MAGI2: variants seen among roughly 807,000 people sequenced by gnomAD.
MAGI2 encodes the protein membrane associated guanylate kinase, WW and PDZ domain containing 2.
A neutral mutation model predicts 133.3 loss-of-function variants in MAGI2; 35 were observed. That is an observed-to-expected ratio of 0.26 (90% CI 0.20 to 0.35). The LOEUF is 0.35. Ranked by LOEUF, MAGI2 falls within the 10% of genes least tolerant of loss-of-function variation. The pLI is 1.00. For synonymous variants in MAGI2, 729 were observed against 710.6 expected (o/e 1.03, Z -0.41); for missense variants, 1,636 against 1,863.4 (o/e 0.88, Z 2.25).
intron 2 of MAGI2, among the ~76,000 whole-genome samples, chr7:78,854,796 G>T (rs190128283): frequency 1.3e-5 from 2 of 151,848 alleles, no homozygotes; most frequent in African/African-American, 4.8e-5. Flanking sequence ...TATTTATTTC[G>T]ATTCAGTAAA....
At chr7:78,914,006 A>G (rs924106900) in intron 2 of MAGI2, among the ~76,000 whole-genome samples, 5 of 152,188 alleles carry the variant, frequency 3.3e-5, no homozygotes, top group African/African-American at 9.7e-5. Flanking sequence ...CTTGGGAAAT[A>G]TCACTTATTC....
chr7:79,039,228 G>T (rs539221802), intron 1 of MAGI2, among the ~76,000 whole-genome samples: 11 of 151,950 alleles, frequency 7.2e-5, no homozygotes, highest in Admixed American at 1.3e-4. Context: ...CTCTCCTGCC[G>T]CCATGTGAAG....
intron 20 of MAGI2, among the ~76,000 whole-genome samples, chr7:78,100,815 A>G (rs926389018): frequency 6.6e-6 from 1 of 152,236 alleles, no homozygotes; most frequent in African/African-American, 2.4e-5. Flanking sequence ...TAGAGAATTT[A>G]CCAGAAAAGC....
At chr7:79,304,893 T>C (rs6946789) in intron 1 of MAGI2, among the ~76,000 whole-genome samples, 84,155 of 152,008 alleles carry the variant, frequency 0.55, 25,857 homozygotes, top group Non-Finnish European at 0.68. Context: ...GAATGTTTAA[T>C]GGTGTCAACC....
intron 9 of MAGI2, among the ~76,000 whole-genome samples, chr7:78,259,198 G>GT (rs750735194): frequency 4.8e-4 from 73 of 151,878 alleles, no homozygotes; most frequent in Admixed American, 5.9e-4. Context: ...TATTCAGTGA[G>GT]TTTTTTTTAA....
intron 2 of MAGI2, among the ~76,000 whole-genome samples, chr7:78,712,835 A>G (rs979572028): frequency 6.6e-6 from 1 of 152,170 alleles, no homozygotes; most frequent in Non-Finnish European, 1.5e-5. Flanking sequence ...TCAAAAATCG[A>G]AGAATTTAAA....
intron 6 of MAGI2, among the ~76,000 whole-genome samples, chr7:78,422,456 G>A (rs1798888974): frequency 2.0e-5 from 3 of 151,856 alleles, no homozygotes; most frequent in Admixed American, 6.6e-5. Context: ...TGTTATAAGT[G>A]TTTTTCATGA....
chr7:78,805,444 G>A (rs1355251037), intron 2 of MAGI2, among the ~76,000 whole-genome samples: 1 of 152,046 alleles, frequency 6.6e-6, no homozygotes, highest in East Asian at 1.9e-4. Flanking sequence ...TGCTGAAGAG[G>A]AAGAAAGTGG....
chr7:78,877,289 C>G (rs535303194), intron 2 of MAGI2, among the ~76,000 whole-genome samples: 37 of 152,198 alleles, frequency 2.4e-4, no homozygotes, highest in African/African-American at 7.5e-4. Flanking sequence ...ATCTGCTAGA[C>G]GTTTGACTAG....
At chr7:78,318,420 G>T (rs1378207460) in intron 9 of MAGI2, among the ~76,000 whole-genome samples, 1 of 152,156 alleles carries the variant, frequency 6.6e-6, no homozygotes, top group African/African-American at 2.4e-5. Context: ...GACAAGATTA[G>T]AGAAAAAAGA....
At chr7:78,755,356 G>C (rs1255467832) in intron 2 of MAGI2, among the ~76,000 whole-genome samples, 3 of 152,138 alleles carry the variant, frequency 2.0e-5, no homozygotes, top group Admixed American at 2.0e-4. Flanking sequence ...CGAGTATTTT[G>C]AATATTCATT....
At chr7:79,282,516 A>G (rs1173504679) in intron 1 of MAGI2, among the ~76,000 whole-genome samples, 1 of 152,190 alleles carries the variant, frequency 6.6e-6, no homozygotes, top group Non-Finnish European at 1.5e-5. Context: ...ACATATCTGC[A>G]GGTGATTTGG....
intron 9 of MAGI2, among the ~76,000 whole-genome samples, chr7:78,296,783 T>C (rs1175264108): frequency 6.6e-6 from 1 of 151,862 alleles, no homozygotes; most frequent in Non-Finnish European, 1.5e-5. Context: ...GCATGCTATT[T>C]GCTGAATGAA....
chr7:78,755,789 T>C (rs1823885622), intron 2 of MAGI2, among the ~76,000 whole-genome samples: 1 of 152,172 alleles, frequency 6.6e-6, no homozygotes. Flanking sequence ...ATCACCCAAA[T>C]AAGTATGTTC....
At chr7:79,202,577 T>C (rs937178368) in intron 1 of MAGI2, among the ~76,000 whole-genome samples, 1 of 152,030 alleles carries the variant, frequency 6.6e-6, no homozygotes, top group East Asian at 1.9e-4. Flanking sequence ...TACTATATTG[T>C]GCTGTTTCAT....
intron 2 of MAGI2, among the ~76,000 whole-genome samples, chr7:78,843,501 T>C (rs1181987959): frequency 6.6e-6 from 1 of 151,910 alleles, no homozygotes; most frequent in Non-Finnish European, 1.5e-5. Flanking sequence ...TGTGATTGTA[T>C]GAAATTTAGA....
rs187048004 is a variant in MAGI2, at chr7:78,361,138, G to A, written c.1103+8018C>T. ...GGGCCAGGCGTGGTGGCTCACTCCT[G>A]TAATCCTAGCACTTTGGGAGGCTGA... On this transcript the variant is annotated intron_variant, in intron 7 of 21. Coordinates refer to ENST00000354212, the MANE Select transcript of MAGI2 (RefSeq NM_012301.4). 2.0e-5 allele frequency among the ~76,000 whole-genome samples: 3 copies of A among 152,270 alleles called. No homozygotes were observed. In the East Asian group the frequency reaches 5.8e-4, roughly 29 times the overall value.
chr7:78,155,653 C>T (rs1824314592), intron 16 of MAGI2, among the ~76,000 whole-genome samples: 1 of 152,056 alleles, frequency 6.6e-6, no homozygotes, highest in Non-Finnish European at 1.5e-5. Context: ...AACAAACAAA[C>T]AAGCAAAAAG....
At chr7:78,924,637 G>A (rs180882427) in intron 2 of MAGI2, among the ~76,000 whole-genome samples, 3 of 151,166 alleles carry the variant, frequency 2.0e-5, no homozygotes, top group Admixed American at 6.6e-5. Flanking sequence ...GTTCATCAAG[G>A]ATATTGGTCT....
Sources: gnomAD v4.1 joint callset for allele counts (sites outside exome capture counted in the v4.1 genomes callset) on GRCh38, gnomAD v4.1.1 for gene constraint, MANE v1.5 for transcripts, NCBI Gene and HGNC (gene_info 2026-07-23, HGNC 2026-07-21) for gene names.